Variants in IMPG2 observed in about 807,000 individuals in gnomAD.
The protein encoded by IMPG2 is interphotoreceptor matrix proteoglycan 2.
In IMPG2, 91 loss-of-function variants were observed where a neutral mutation model predicts 129.2. The observed-to-expected ratio is 0.70, with a 90% CI of 0.59 to 0.84. The LOEUF (loss-of-function observed/expected upper bound fraction) is 0.84. Among genes scored for constraint, IMPG2 ranks in the 40% least tolerant of loss-of-function variants. The pLI, the probability that IMPG2 is intolerant of heterozygous loss-of-function variation, is 0.00. For synonymous variants in IMPG2, 510 were observed against 517.7 expected, an observed-to-expected ratio of 0.99 and a Z score of 0.20; for missense variants, 1,430 against 1,461.7, an observed-to-expected ratio of 0.98 and a Z score of 0.35.
At chr3:101,244,838 TC>T (rs1429182791) in intron 12 of IMPG2, 51 bp from the exon 13 acceptor site, 1 of 1,468,074 alleles carries the variant, frequency 6.8e-7, no homozygotes, top group Admixed American at 1.7e-5. Flanking sequence ...CAAAATGTAT[TC>T]CTAGTTCTCC....
chr3:101,230,854 C>A, intron 16 of IMPG2, 103 bp downstream of exon 16: 1 of 1,006,522 alleles, frequency 9.9e-7, no homozygotes, highest in Non-Finnish European at 1.5e-6. Flanking sequence ...TAGCTCTCTT[C>A]CACCCAGCCA....
chr3:101,283,756 A>G (rs757968543), intron 4 of IMPG2, among the ~76,000 whole-genome samples: 1 of 152,352 alleles, frequency 6.6e-6, no homozygotes, highest in South Asian at 2.1e-4. Flanking sequence ...TTGCAAAAAC[A>G]AAACAAAACA....
intron 11 of IMPG2, among the ~76,000 whole-genome samples, chr3:101,247,525 C>A (rs182826353): frequency 1.3e-5 from 2 of 151,742 alleles, no homozygotes; most frequent in African/African-American, 4.8e-5. Flanking sequence ...TGAACCCGGG[C>A]GGCGGAGGCT....
Position 101,267,531 on chromosome 3 carries a change from C to A in IMPG2, c.888G>T (p.Arg296Ser). ...AGTACCTGTCATTTTCCTTGGGGGA[C>A]CTGAAAACAAAAATTAAAAATATTA... ...GYKEIRVLEF[R>S]SPKENDSGVD... The change falls in exon 9 of 19, where the codon AGG becomes AGT. Residue 296 changes from arginine (R) to serine (S), a missense_variant and splice_region_variant. Arg to Ser is a moderately radical substitution (Grantham distance 110). Transcript: ENST00000193391. 6.2e-7 allele frequency: 1 copy of A among 1,610,052 alleles called. No individual in the cohort carries two copies. The highest frequency in any genetic ancestry group is 1.1e-5 in the South Asian group (1 of 90,992).
At chr3:101,298,776 C>T (rs1707109234) in intron 3 of IMPG2, among the ~76,000 whole-genome samples, 1 of 152,194 alleles carries the variant, frequency 6.6e-6, no homozygotes, top group African/African-American at 2.4e-5. Flanking sequence ...CACTGTTATT[C>T]TGATGTTCCT....
At chr3:101,255,427 C>T (rs1329241569) in intron 10 of IMPG2, among the ~76,000 whole-genome samples, 1 of 152,102 alleles carries the variant, frequency 6.6e-6, no homozygotes, top group East Asian at 1.9e-4. Context: ...CACCAACAGG[C>T]TCCACATAAA....
At chr3:101,319,929 G>A in intron 1 of IMPG2, 97 bp from the exon 2 acceptor site, 1 of 1,319,968 alleles carries the variant, frequency 7.6e-7, no homozygotes, top group South Asian at 1.2e-5. Flanking sequence ...CATTAAGATA[G>A]AGAAGCCAGT....
At chr3:101,264,532 G>A (rs762570289) in intron 9 of IMPG2, among the ~76,000 whole-genome samples, 20 of 151,744 alleles carry the variant, frequency 1.3e-4, no homozygotes, top group Non-Finnish European at 2.7e-4. Context: ...AAAAAATTAG[G>A]TAGAGGAAAA....
chr3:101,261,548 T>C (rs1183365988), intron 9 of IMPG2, among the ~76,000 whole-genome samples: 1 of 152,212 alleles, frequency 6.6e-6, no homozygotes, highest in Non-Finnish European at 1.5e-5. Context: ...CATCTAAATA[T>C]AATACTTCTA....
chr3:101,232,690 A>C, intron 15 of IMPG2, 91 bp downstream of exon 15: 1 of 1,054,068 alleles, frequency 9.5e-7, no homozygotes, highest in Non-Finnish European at 1.4e-6. Context: ...TGCATACTAT[A>C]ATAAGTATCC....
At chr3:101,249,034 A>G (rs988879297) in intron 11 of IMPG2, among the ~76,000 whole-genome samples, 5 of 152,192 alleles carry the variant, frequency 3.3e-5, no homozygotes, top group African/African-American at 9.7e-5. Context: ...CCAAGCCTCA[A>G]TACTCTGTGT....
chr3:101,227,069 C>T lies in IMPG2; in HGVS notation c.3714-88G>A, dbSNP rs1312323444. 4 of 1,307,458 alleles carry T rather than the reference C, an allele frequency of 3.1e-6. No homozygotes were observed. In the East Asian group the frequency reaches 9.2e-5, roughly 30 times the overall value. The allele number at this position is 1,307,458 out of a possible 1,614,324, so 81.0% of individuals were successfully genotyped here. A position where few individuals can be genotyped will look rare whatever the true frequency, so the allele number is the denominator to read the frequency against. On this transcript the variant is annotated intron_variant, in intron 18 of 18. Transcript: ENST00000193391. ...TACTGTCATACATCACTAAGCTATA[C>T]TCCTAAAATCATGAATACTTTCTAT...
intron 7 of IMPG2, among the ~76,000 whole-genome samples, chr3:101,270,693 G>A (rs537512038): frequency 3.3e-5 from 5 of 152,156 alleles, no homozygotes; most frequent in African/African-American, 1.2e-4. Context: ...CCAGCTAGGC[G>A]GGAGGCTGAG....
chr3:101,224,668 T>C lies in IMPG2; in HGVS notation c.*2301A>G, dbSNP rs1204233028. On this transcript the variant is annotated 3_prime_UTR_variant, in exon 19 of 19. Coordinates refer to ENST00000193391, the MANE Select transcript of IMPG2 (RefSeq NM_016247.4). ...GGATGGATCTTTGCTGGGCAAACTGTGTTCTTCAACCTTTCAACAGTGGTT... is the reference window on the plus strand; with the variant it reads ...GGATGGATCTTTGCTGGGCAAACTGCGTTCTTCAACCTTTCAACAGTGGTT... The C allele has an allele frequency of 6.6e-6, 1 of 152,242 alleles. No individual in the cohort carries two copies. The highest frequency in any genetic ancestry group is 1.5e-5 in the Non-Finnish European group (1 of 68,042). The allele number at this position is 152,242 out of a possible 1,614,324, so 9.4% of individuals were successfully genotyped here.
At chr3:101,313,913 C>A (rs1400736039) in intron 2 of IMPG2, among the ~76,000 whole-genome samples, 1 of 151,876 alleles carries the variant, frequency 6.6e-6, no homozygotes, top group Admixed American at 6.6e-5. Flanking sequence ...GGCCAATATA[C>A]AAAAATCAGT....
At chr3:101,260,498 C>G (rs1053729459) in intron 9 of IMPG2, among the ~76,000 whole-genome samples, 1 of 152,114 alleles carries the variant, frequency 6.6e-6, no homozygotes. Context: ...ATAAGAGGGT[C>G]ACCTACCGAT....
intron 3 of IMPG2, among the ~76,000 whole-genome samples, chr3:101,299,443 C>T (rs1239585941): frequency 6.6e-6 from 1 of 152,206 alleles, no homozygotes; most frequent in Non-Finnish European, 1.5e-5. Flanking sequence ...GCTAGAGAGG[C>T]ACTGCAATCA....
chr3:101,276,783 T>C, intron 4 of IMPG2, 70 bp from the exon 5 acceptor site: 2 of 1,253,226 alleles, frequency 1.6e-6, no homozygotes, highest in Non-Finnish European at 2.3e-6. Context: ...ATTTTTGGGG[T>C]TGTTTTCCAA....
At chr3:101,300,673 G>T (rs533972535) in intron 3 of IMPG2, among the ~76,000 whole-genome samples, 5 of 152,232 alleles carry the variant, frequency 3.3e-5, no homozygotes, top group Non-Finnish European at 7.3e-5. Flanking sequence ...CGTGGGTCAC[G>T]CCAGTTGCCT....
Sources: gnomAD v4.1 joint callset for allele counts (sites outside exome capture counted in the v4.1 genomes callset) on GRCh38, gnomAD v4.1.1 for gene constraint, MANE v1.5 for transcripts, NCBI Gene and HGNC (gene_info 2026-07-23, HGNC 2026-07-21) for gene names.